ERBB4: variants seen among roughly 807,000 people sequenced by gnomAD.
ERBB4 encodes the protein receptor tyrosine-protein kinase erbB-4.
A neutral mutation model predicts 158.0 loss-of-function variants in ERBB4; 42 were observed. That is an observed-to-expected ratio of 0.27 (90% CI 0.21 to 0.34). The LOEUF (loss-of-function observed/expected upper bound fraction) is 0.34. ERBB4 is among the 10% of genes least tolerant of loss of function. The pLI, the probability that ERBB4 is intolerant of heterozygous loss-of-function variation, is 1.00. For missense variants in ERBB4, 1,333 were observed against 1,624.1 expected, an observed-to-expected ratio of 0.82 and a Z score of 3.08; for synonymous variants, 583 against 558.7, an observed-to-expected ratio of 1.04 and a Z score of -0.61.
chr2:212,386,755 T>A lies in ERBB4; in HGVS notation c.82+151694A>T, dbSNP rs367665537. On this transcript the variant is annotated intron_variant, in intron 1 of 27. Coordinates refer to ENST00000342788, the MANE Select transcript of ERBB4 (RefSeq NM_005235.3). ...GGAATAAGCTCACTACCCTCCTTGT[T>A]CTTTTAGAATTAAGTTACCACCCTT... Among the ~76,000 whole-genome samples, 44 of 152,152 alleles carry A rather than the reference T, an allele frequency of 2.9e-4. 1 individual carries two copies. Among genetic ancestry groups the A allele is most frequent in the African/African-American group, 1.0e-3 (43 of 41,548 alleles).
chr2:212,110,227 A>ATAGCTCATTTAG (rs2079362382), intron 2 of ERBB4, among the ~76,000 whole-genome samples: 1 of 152,174 alleles, frequency 6.6e-6, no homozygotes, highest in Admixed American at 6.5e-5. Context: ...TATTTGGAAA[A>ATAGCTCATTTAG]CACTGTGGAG....
In ERBB4 at chr2:211,852,679, C is replaced by T. The variant is rs183015095; in HGVS notation, c.422-64520G>A. The stretch of plus-strand genomic sequence containing the variant: ...CGTTGCCATCACTAAGCTGTCTATC[C>T]ACTCTTCAATAGATACACAAAACTT... On this transcript the variant is annotated intron_variant, in intron 3 of 27. Coordinates refer to ENST00000342788, the MANE Select transcript of ERBB4 (RefSeq NM_005235.3). 2.3e-4 allele frequency among the ~76,000 whole-genome samples: 32 copies of T among 141,182 alleles called. No homozygotes were observed. The East Asian group carries it at 6.4e-3, about 28-fold the overall frequency. The allele number at this position is 141,182 out of a possible 152,430, so 92.6% of individuals were successfully genotyped here.
intron 1 of ERBB4, among the ~76,000 whole-genome samples, chr2:212,148,811 T>G (rs1210072940): frequency 7.0e-6 from 1 of 143,670 alleles, no homozygotes; most frequent in East Asian, 2.0e-4. Context: ...GTGGCACATA[T>G]ACACCATGGA....
At chr2:212,150,580 C>T (rs112452519) in intron 1 of ERBB4, among the ~76,000 whole-genome samples, 1 of 152,064 alleles carries the variant, frequency 6.6e-6, no homozygotes, top group Non-Finnish European at 1.5e-5. Context: ...TTACTTCCTT[C>T]CCCCAAGATG....
intron 3 of ERBB4, among the ~76,000 whole-genome samples, chr2:211,887,457 A>T (rs186302557): frequency 6.6e-6 from 1 of 152,266 alleles, no homozygotes; most frequent in East Asian, 1.9e-4. Context: ...CATCCTGATC[A>T]TTTCATTCAC....
chr2:211,851,953 A>G (rs1208066593), intron 3 of ERBB4, among the ~76,000 whole-genome samples: 2 of 151,866 alleles, frequency 1.3e-5, no homozygotes, highest in Non-Finnish European at 2.9e-5. Context: ...CTTTACTGAT[A>G]TTTTCTTCTA....
At chr2:211,512,621 G>A (rs1260076920) in intron 20 of ERBB4, among the ~76,000 whole-genome samples, 2 of 151,594 alleles carry the variant, frequency 1.3e-5, no homozygotes, top group Non-Finnish European at 2.9e-5. Flanking sequence ...ATTAAAAAAT[G>A]CCATTTTCTT....
At chr2:212,000,611 C>A (rs1298047232) in intron 2 of ERBB4, among the ~76,000 whole-genome samples, 3 of 151,752 alleles carry the variant, frequency 2.0e-5, no homozygotes, top group African/African-American at 4.8e-5. Context: ...GTAAATATTA[C>A]AAGGAAATTT....
chr2:211,725,672 G>GT (rs1320540041), intron 5 of ERBB4, among the ~76,000 whole-genome samples: 9 of 152,190 alleles, frequency 5.9e-5, no homozygotes, highest in African/African-American at 1.9e-4. Context: ...CATTTGGCAG[G>GT]CTAGGAAAGG....
intron 20 of ERBB4, among the ~76,000 whole-genome samples, chr2:211,449,814 T>C (rs1269714246): frequency 6.6e-6 from 1 of 152,134 alleles, no homozygotes; most frequent in Non-Finnish European, 1.5e-5. Flanking sequence ...TGGATATAAG[T>C]GTACTTAGAA....
At chr2:212,271,953 T>A (rs1418396003) in intron 1 of ERBB4, among the ~76,000 whole-genome samples, 1 of 151,654 alleles carries the variant, frequency 6.6e-6, no homozygotes, top group Non-Finnish European at 1.5e-5. Context: ...AACTTAAGAG[T>A]CCGGTTCTCT....
rs1382912038 is a variant in ERBB4, at chr2:212,257,637, T to C, written c.83-132734A>G. Among the ~76,000 whole-genome samples, 18 of 152,142 alleles carry C rather than the reference T, an allele frequency of 1.2e-4. 1 individual carries two copies. The highest frequency in any genetic ancestry group is 1.2e-3 in the Admixed American group (18 of 15,262). ...CCGAAACTTTAACCACCCTGCTCAA[T>C]GTTGCATAAACAATCATGGAATTGT... On this transcript the variant is annotated intron_variant, in intron 1 of 27. Coordinates refer to ENST00000342788, the MANE Select transcript of ERBB4 (RefSeq NM_005235.3).
intron 1 of ERBB4, among the ~76,000 whole-genome samples, chr2:212,310,477 C>T (rs1281274628): frequency 6.6e-6 from 1 of 150,544 alleles, no homozygotes. Context: ...TTTTTTACTC[C>T]TTACAGCTTA....
chr2:212,475,584 A>C (rs1002139262), intron 1 of ERBB4, among the ~76,000 whole-genome samples: 5 of 152,170 alleles, frequency 3.3e-5, no homozygotes, highest in African/African-American at 1.2e-4. Context: ...AATTATAAGA[A>C]TATGCTATTA....
At chr2:211,696,114 CTCTT>C (rs10559087) in intron 12 of ERBB4, among the ~76,000 whole-genome samples, 5,024 of 135,056 alleles carry the variant, frequency 0.037, 279 homozygotes, top group African/African-American at 0.13. Context: ...TTCTCTTTAT[CTCTT>C]TCTTTCTCTT....
intron 1 of ERBB4, among the ~76,000 whole-genome samples, chr2:212,331,732 T>C (rs892475202): frequency 5.9e-5 from 9 of 152,190 alleles, no homozygotes; most frequent in Middle Eastern, 3.4e-3. Flanking sequence ...AGATTTTAAA[T>C]ACAAATCTTC....
At chr2:211,865,876 A>G (rs1028428309) in intron 3 of ERBB4, among the ~76,000 whole-genome samples, 3 of 152,198 alleles carry the variant, frequency 2.0e-5, no homozygotes, top group Non-Finnish European at 4.4e-5. Flanking sequence ...TAAGAAGAAA[A>G]TGAGAGACTC....
At position 211,769,388 on chromosome 2, in the gene ERBB4, A is replaced by G. The variant is rs1472078458; in HGVS notation, c.556+18637T>C. ...GGGAAACAATCTCTGCCTGTTGTCC[A>G]TTTCCAAAGTTGCTTCCACATTTCC... On this transcript the variant is annotated intron_variant, in intron 4 of 27. Transcript: ENST00000342788. Among the ~76,000 whole-genome samples, 4 of 152,122 alleles carry G rather than the reference A, an allele frequency of 2.6e-5. No homozygotes were observed. In the East Asian group the frequency reaches 7.7e-4, roughly 29 times the overall value.
intron 20 of ERBB4, among the ~76,000 whole-genome samples, chr2:211,523,241 A>C (rs2066238426): frequency 7.1e-6 from 1 of 140,072 alleles, no homozygotes; most frequent in African/African-American, 2.6e-5. Context: ...ACATTGCTAA[A>C]AGAGGCACTG....
Sources: allele counts gnomAD v4.1 joint callset (sites outside exome capture counted in the v4.1 genomes callset), GRCh38; gene constraint gnomAD v4.1.1; transcripts MANE v1.5; gene names NCBI Gene and HGNC (gene_info 2026-07-23, HGNC 2026-07-21).